SIDT1: variants seen among roughly 807,000 people sequenced by gnomAD.
The protein encoded by SIDT1 is SID1 transmembrane family member 1.
Under a neutral mutation model 107.5 loss-of-function variants are expected in SIDT1, and 101 were observed. The observed-to-expected ratio is 0.94, with a 90% confidence interval of 0.80 to 1.11. SIDT1 has a LOEUF of 1.11. Ranked by LOEUF, SIDT1 falls within the 50% of genes least tolerant of loss-of-function variation. SIDT1 has a pLI of 0.00. For synonymous variants in SIDT1, 395 were observed against 398.2 expected (o/e 0.99, Z 0.10); for missense variants, 1,076 against 1,058.2 (o/e 1.02, Z -0.23).
At chr3:113,633,554 T>C (rs149125955), downstream of SIDT1, among the ~76,000 whole-genome samples, 239 of 152,230 alleles carry the variant, frequency 1.6e-3, 2 homozygotes, top group African/African-American at 5.2e-3. Context: ...CCCTAAAAGC[T>C]ATGAATGTGG....
At chr3:113,608,057 T>A in intron 15 of SIDT1, 37 bp from the exon 16 acceptor site, 1 of 1,523,052 alleles carries the variant, frequency 6.6e-7, no homozygotes, top group Non-Finnish European at 8.8e-7. Context: ...CCTTTGATGG[T>A]CTTGACTCTC....
At position 113,533,051 on chromosome 3, in the gene SIDT1, C is replaced by T; in HGVS notation, c.30C>T (p.Leu10=). The change falls in exon 1 of 25, where the codon CTC becomes CTT. Residue 10 remains leucine, a synonymous_variant. Coordinates refer to ENST00000264852, the MANE Select transcript of SIDT1 (RefSeq NM_017699.3). ...GCGGCTGCCTGCGGCTCGCGCTGCT[C>T]TGCGCGCTGCCCTGGCTCCTGCTGG... MRGCLRLAL[L]CALPWLLLAA... The T allele has an allele frequency of 6.9e-7, 1 of 1,452,316 alleles. No individual in the cohort carries two copies. Among genetic ancestry groups the T allele is most frequent in the South Asian group, 1.4e-5 (1 of 70,904 alleles). 90.0% of individuals were successfully genotyped at this position (1,452,316 alleles called of 1,614,324 possible).
chr3:113,624,169 A>C (rs1369101272), intron 23 of SIDT1, among the ~76,000 whole-genome samples: 1 of 152,244 alleles, frequency 6.6e-6, no homozygotes, highest in Non-Finnish European at 1.5e-5. Flanking sequence ...AAGAAGTCTT[A>C]GCATTCCATC....
Position 113,623,528 on chromosome 3 carries a change from T to C in SIDT1, c.2192T>C (p.Met731Thr), listed in dbSNP as rs758607723. The C allele has an allele frequency of 2.5e-6, 4 of 1,612,998 alleles. No homozygotes were observed. In the East Asian group the frequency reaches 6.7e-5, roughly 27 times the overall value. Reference protein sequence around the residue: ...LLLYLAFYIIMKLRSSEKVLP... With the variant: ...LLLYLAFYIITKLRSSEKVLP... Reference sequence around the variant, plus strand: ...CTGTACCTGGCCTTTTACATCATCATGAAGGTAAGAGCGGGTGCCGGGAGC... The same window carrying C: ...CTGTACCTGGCCTTTTACATCATCACGAAGGTAAGAGCGGGTGCCGGGAGC... The change falls in exon 22 of 25, where the codon ATG (methionine) becomes ACG (threonine). Residue 731 changes from methionine to threonine, a missense_variant. Transcript: ENST00000264852.
chr3:113,606,829 C>A, intron 14 of SIDT1: 1 of 485,460 alleles, frequency 2.1e-6, no homozygotes, highest in East Asian at 3.1e-5. Context: ...ACAGAATATT[C>A]CCATTCAAAG....
chr3:113,573,984 A>G (rs1456812209), intron 3 of SIDT1, among the ~76,000 whole-genome samples: 1 of 152,220 alleles, frequency 6.6e-6, no homozygotes, highest in Admixed American at 6.5e-5. Context: ...TGAAAGAGAG[A>G]TAAACATGGA....
At chr3:113,545,114 T>TA (rs554009768) in intron 1 of SIDT1, among the ~76,000 whole-genome samples, 11,501 of 73,796 alleles carry the variant, frequency 0.16, 1,635 homozygotes, top group East Asian at 0.31. Context: ...GAGACTCTGT[T>TA]AAAAAAAAAA....
chr3:113,574,591 T>A (rs3773693), intron 3 of SIDT1, among the ~76,000 whole-genome samples: 22,889 of 151,822 alleles, frequency 0.15, 1,816 homozygotes, highest in Non-Finnish European at 0.19. Flanking sequence ...TTTCTTTTTC[T>A]TCTACTTGAT....
At chr3:113,538,953 A>G (rs1938501259) in intron 1 of SIDT1, among the ~76,000 whole-genome samples, 1 of 152,144 alleles carries the variant, frequency 6.6e-6, no homozygotes, top group African/African-American at 2.4e-5. Flanking sequence ...ATTGATCATC[A>G]TTGCCTAGTT....
chr3:113,574,609 C>G (rs2107457026), intron 3 of SIDT1, among the ~76,000 whole-genome samples: 1 of 151,830 alleles, frequency 6.6e-6, no homozygotes, highest in Admixed American at 6.6e-5. Context: ...GATTACTCTC[C>G]TCTCTGTATT....
At chr3:113,631,164 T>A (rs1342335808), downstream of SIDT1, among the ~76,000 whole-genome samples, 1 of 152,176 alleles carries the variant, frequency 6.6e-6, no homozygotes, top group Non-Finnish European at 1.5e-5. Context: ...CACTGCTGTC[T>A]CTGCCCTGGG....
At chr3:113,591,901 T>A (rs559065957) in intron 9 of SIDT1, among the ~76,000 whole-genome samples, 2 of 152,306 alleles carry the variant, frequency 1.3e-5, no homozygotes, top group East Asian at 3.9e-4. Flanking sequence ...AAATATCCAT[T>A]AAGTGCAAGC....
chr3:113,627,621 C>T (rs1213906830), intron 24 of SIDT1, 25 bp from the exon 25 acceptor site: 2 of 1,611,526 alleles, frequency 1.2e-6, no homozygotes, highest in East Asian at 2.2e-5. Context: ...CCATTCCTTT[C>T]ATTTCTCTGT....
intron 3 of SIDT1, among the ~76,000 whole-genome samples, chr3:113,569,826 G>T (rs548485441): frequency 6.6e-6 from 1 of 152,276 alleles, no homozygotes; most frequent in African/African-American, 2.4e-5. Context: ...AGTGTTTAAA[G>T]TTCCCCAGGT....
In SIDT1 at chr3:113,603,126, T is replaced by C. The variant is rs771182125; in HGVS notation, c.1239T>C (p.Ser413=). 2.5e-5 allele frequency: 40 copies of C among 1,613,030 alleles called. No individual in the cohort carries two copies. The highest frequency in any genetic ancestry group is 4.0e-5 in the African/African-American group (3 of 74,800). Residue 413 remains serine, a synonymous_variant, in exon 12 of 25, where the codon AGT becomes AGC. Coordinates refer to ENST00000264852, the MANE Select transcript of SIDT1 (RefSeq NM_017699.3). The stretch of plus-strand genomic sequence containing the variant: ...TCGACACCATGCCAGACATTGAGAG[T>C]GATAAAAACATCATCCGGACCAAGG... ...SDFDTMPDIE[S]DKNIIRTKMF...
At chr3:113,607,165 T>C (rs768486369) in intron 15 of SIDT1, 51 bp downstream of exon 15, 8 of 1,165,690 alleles carry the variant, frequency 6.9e-6, no homozygotes, top group African/African-American at 1.5e-5. Flanking sequence ...TGCCTTTCTG[T>C]CTAATGTTGT....
At chr3:113,584,826 A>G (rs1943622770) in intron 8 of SIDT1, 57 bp downstream of exon 8, 1 of 1,145,766 alleles carries the variant, frequency 8.7e-7, no homozygotes, top group East Asian at 2.4e-5. Flanking sequence ...AATCAGTCAT[A>G]TAATTTGATA....
In SIDT1 at chr3:113,533,035, T is replaced by C. The variant is rs1937635026; in HGVS notation, c.14T>C (p.Leu5Pro). 7.3e-7 allele frequency: 1 copy of C among 1,375,572 alleles called. No homozygotes were observed. The highest frequency in any genetic ancestry group is 1.5e-5 in the African/African-American group (1 of 65,680). The allele number at this position is 1,375,572 out of a possible 1,614,324, so 85.2% of individuals were successfully genotyped here. MRGC[L>P]RLALLCALPW... is the part of the protein sequence containing the mutation. ...GCGGTGCCCACCATGCGCGGCTGCCTGCGGCTCGCGCTGCTCTGCGCGCTG... is the reference window on the plus strand; with the variant it reads ...GCGGTGCCCACCATGCGCGGCTGCCCGCGGCTCGCGCTGCTCTGCGCGCTG... Residue 5 changes from leucine to proline, a missense_variant, in exon 1 of 25, where the codon CTG becomes CCG. Leu to Pro is a moderately conservative substitution (Grantham distance 98). Transcript: ENST00000264852.
chr3:113,562,437 T>C (rs572593114), intron 1 of SIDT1, among the ~76,000 whole-genome samples: 9 of 152,204 alleles, frequency 5.9e-5, no homozygotes, highest in Non-Finnish European at 1.3e-4. Context: ...AGCAACATTG[T>C]TTATAATAGC....
Sources: gnomAD v4.1 joint callset for allele counts (sites outside exome capture counted in the v4.1 genomes callset) on GRCh38, gnomAD v4.1.1 for gene constraint, MANE v1.5 for transcripts, NCBI Gene and HGNC (gene_info 2026-07-23, HGNC 2026-07-21) for gene names.